Variants in TMEM74 observed in about 807,000 individuals in gnomAD.
TMEM74 encodes the protein transmembrane protein 74.
In TMEM74, 13 loss-of-function variants were observed where a neutral mutation model predicts 18.1. The observed-to-expected ratio is 0.72, with a 90% CI of 0.47 to 1.14. The LOEUF is 1.14. TMEM74 is among the 50% of genes most tolerant of loss of function. The pLI, the probability that TMEM74 is intolerant of heterozygous loss-of-function variation, is 0.00. For synonymous variants in TMEM74, 159 were observed against 146.6 expected (o/e 1.08, Z -0.61); for missense variants, 372 against 375.9 (o/e 0.99, Z 0.09).
intron 1 of TMEM74, among the ~76,000 whole-genome samples, chr8:108,716,014 A>G (rs897304191): frequency 5.9e-5 from 9 of 152,098 alleles, no homozygotes; most frequent in Non-Finnish European, 1.2e-4. Flanking sequence ...ATGGCAAATG[A>G]CATAGTATAA....
chr8:108,705,776 A>G (rs1401110330), intron 1 of TMEM74, among the ~76,000 whole-genome samples: 1 of 152,214 alleles, frequency 6.6e-6, no homozygotes, highest in South Asian at 2.1e-4. Flanking sequence ...CTAATGCTCC[A>G]TATTTGGAAG....
At chr8:108,632,787 C>T (rs1477606113) in intron 2 of TMEM74, among the ~76,000 whole-genome samples, 1 of 151,920 alleles carries the variant, frequency 6.6e-6, no homozygotes, top group East Asian at 1.9e-4. Flanking sequence ...AGTCAGTAAC[C>T]TAATGTGGGA....
intron 2 of TMEM74, among the ~76,000 whole-genome samples, chr8:108,642,599 T>C (rs1173583925): frequency 6.6e-6 from 1 of 152,092 alleles, no homozygotes; most frequent in Non-Finnish European, 1.5e-5. Flanking sequence ...GTGTAATAGG[T>C]TTAGAATTAA....
intron 2 of TMEM74, among the ~76,000 whole-genome samples, chr8:108,621,719 C>T (rs1036941461): frequency 2.0e-5 from 3 of 152,136 alleles, no homozygotes; most frequent in African/African-American, 7.2e-5. Context: ...GGTAGCTCTG[C>T]ATTCAAATCA....
chr8:108,684,771 G>C (rs902091030), intron 1 of TMEM74, among the ~76,000 whole-genome samples: 1 of 150,820 alleles, frequency 6.6e-6, no homozygotes, highest in Non-Finnish European at 1.5e-5. Context: ...GGTGAGAGGC[G>C]GGGGGTTCTA....
chr8:108,699,187 C>CCTTCCTTCCTTCCTTCCTTCCTTCCTT (rs1563529302), intron 1 of TMEM74, among the ~76,000 whole-genome samples: 99 of 68,808 alleles, frequency 1.4e-3, no homozygotes, highest in Non-Finnish European at 2.1e-3. Context: ...CTTCCTTCCT[C>CCTTCCTTCCTTCCTTCCTTCCTTCCTT]CCTCCCTCCC....
At chr8:108,725,395 A>C (rs1417022073) in intron 1 of TMEM74, among the ~76,000 whole-genome samples, 1 of 152,166 alleles carries the variant, frequency 6.6e-6, no homozygotes, top group East Asian at 1.9e-4. Flanking sequence ...GGGGCTCAAA[A>C]CCACTTCTTA....
intron 1 of TMEM74, among the ~76,000 whole-genome samples, chr8:108,677,848 T>C (rs1813069900): frequency 1.3e-5 from 2 of 152,196 alleles, no homozygotes; most frequent in Non-Finnish European, 2.9e-5. Flanking sequence ...TAGGTCCTTT[T>C]AAATAAGACT....
At position 108,732,568 on chromosome 8, in the gene TMEM74, A is replaced by C. The variant is rs1411831349; in HGVS notation, n.119+54908T>G. On this transcript the variant is annotated intron_variant and non_coding_transcript_variant, in intron 1 of 3. Transcript: ENST00000518838. ...GACGGATTAAAATATAGAATCTAGA[A>C]ATAGACTCACATATATATGATAAAA... 3.3e-5 allele frequency among the ~76,000 whole-genome samples: 5 copies of C among 152,270 alleles called. No individual in the cohort carries two copies. The South Asian group carries it at 1.0e-3, about 32-fold the overall frequency.
intron 1 of TMEM74, among the ~76,000 whole-genome samples, chr8:108,688,122 T>A (rs956764314): frequency 2.0e-5 from 3 of 152,204 alleles, no homozygotes; most frequent in African/African-American, 4.8e-5. Flanking sequence ...TCCATCAGTT[T>A]AGCAAAACTT....
intron 1 of TMEM74, among the ~76,000 whole-genome samples, chr8:108,702,326 C>CT (rs1813344510): frequency 7.5e-6 from 1 of 132,486 alleles, no homozygotes; most frequent in African/African-American, 2.9e-5. Context: ...GCCCTGGCGA[C>CT]GGTGTGAGAC....
At chr8:108,675,266 T>G (rs187330798) in intron 1 of TMEM74, among the ~76,000 whole-genome samples, 1 of 152,276 alleles carries the variant, frequency 6.6e-6, no homozygotes. Context: ...TGAACTTGAA[T>G]CCTGATATCA....
At chr8:108,777,731 T>C (rs1244086370), downstream of TMEM74, among the ~76,000 whole-genome samples, 3 of 152,218 alleles carry the variant, frequency 2.0e-5, no homozygotes, top group East Asian at 5.8e-4. Context: ...GTTATATAAC[T>C]TTGGCCAGTT....
At chr8:108,662,416 C>T (rs73306200) in intron 1 of TMEM74, among the ~76,000 whole-genome samples, 3,108 of 152,212 alleles carry the variant, frequency 0.02, 114 homozygotes, top group African/African-American at 0.071. Context: ...AAGGCAGCAA[C>T]TACTACAGAC....
intron 3 of TMEM74, among the ~76,000 whole-genome samples, chr8:108,607,968 T>C (rs1812293493): frequency 6.6e-6 from 1 of 152,144 alleles, no homozygotes; most frequent in African/African-American, 2.4e-5. Context: ...CATGTATTTT[T>C]GTGTATTAGG....
chr8:108,764,815 T>G (rs1424206381), intron 1 of TMEM74, among the ~76,000 whole-genome samples: 2 of 152,172 alleles, frequency 1.3e-5, no homozygotes, highest in Non-Finnish European at 2.9e-5. Flanking sequence ...TGCTTGTATC[T>G]GGTCTTTAAA....
chr8:108,638,869 C>G (rs1812633284), intron 2 of TMEM74, among the ~76,000 whole-genome samples: 1 of 152,116 alleles, frequency 6.6e-6, no homozygotes, highest in Non-Finnish European at 1.5e-5. Context: ...TTTCTTTTAA[C>G]ATTGACTGAG....
At chr8:108,775,119 A>T (rs1001779998), downstream of TMEM74, among the ~76,000 whole-genome samples, 2 of 152,190 alleles carry the variant, frequency 1.3e-5, no homozygotes, top group Non-Finnish European at 2.9e-5. Flanking sequence ...ACCATAAGAA[A>T]CAATCTGACA....
Position 108,784,810 on chromosome 8 carries a change from G to C in TMEM74, c.289C>G (p.Arg97Gly), listed in dbSNP as rs780249867. The change falls in exon 2 of 2, where the codon CGG (arginine) becomes GGG (glycine). Residue 97 changes from arginine (R) to glycine (G), a missense_variant. By Grantham distance (125) the Arg-to-Gly change is moderately radical. Transcript: ENST00000297459. Reference protein sequence around the residue: ...HSGNNQITAERKVCNCCSQEL... With the variant: ...HSGNNQITAEGKVCNCCSQEL... ...TGGCTGCAGCAGTTACAGACTTTCCGTTCCGCTGTTATTTGGTTGTTCCCT... is the reference window on the plus strand; with the variant it reads ...TGGCTGCAGCAGTTACAGACTTTCCCTTCCGCTGTTATTTGGTTGTTCCCT... 1.2e-6 allele frequency: 2 copies of C among 1,614,054 alleles called. No homozygotes were observed. Among genetic ancestry groups the C allele is most frequent in the Admixed American group, 1.7e-5 (1 of 59,998 alleles).
Sources: allele counts gnomAD v4.1 joint callset (sites outside exome capture counted in the v4.1 genomes callset), GRCh38; gene constraint gnomAD v4.1.1; transcripts MANE v1.5; gene names NCBI Gene and HGNC (gene_info 2026-07-23, HGNC 2026-07-21).